Variants in NTMT2 observed in about 807,000 individuals in gnomAD.
The protein encoded by NTMT2 is X-Pro-Lys N-terminal protein methyltransferase 1B.
A neutral mutation model predicts 23.4 loss-of-function variants in NTMT2; 21 were observed. The ratio of observed to expected loss-of-function variants is 0.90; its 90% CI spans 0.64 to 1.29. The LOEUF (loss-of-function observed/expected upper bound fraction) is 1.29, where lower values mean the gene tolerates loss of function less well. Among genes scored for constraint, NTMT2 ranks in the 50% most tolerant of loss-of-function variants. NTMT2 has a pLI of 0.00. For synonymous variants in NTMT2, 131 were observed against 127.7 expected, an observed-to-expected ratio of 1.03 and a Z score of -0.17; for missense variants, 336 against 352.0, an observed-to-expected ratio of 0.95 and a Z score of 0.36.
At chr1:170,162,339 C>T (rs1673290038) in intron 2 of NTMT2, among the ~76,000 whole-genome samples, 1 of 152,174 alleles carries the variant, frequency 6.6e-6, no homozygotes, top group South Asian at 2.1e-4. Flanking sequence ...ACATTAATAT[C>T]TCTAGTATTG....
Position 170,166,708 on chromosome 1 carries a change from C to T in NTMT2, c.537C>T (p.Pro179=). 6.4e-7 allele frequency: 1 copy of T among 1,552,270 alleles called. No homozygotes were observed. The highest frequency in any genetic ancestry group is 8.7e-7 in the Non-Finnish European group (1 of 1,147,098). The stretch of plus-strand genomic sequence containing the variant: ...GCTACAGCCTGCAGGAATTCACACC[C>T]CCCTTCAGGAGATATGATGTCATCT... The part of the protein sequence containing the change: ...YHCYSLQEFT[P]PFRRYDVIWI... Residue 179 remains proline, a synonymous_variant, in exon 3 of 4, where the codon CCC becomes CCT. Coordinates refer to ENST00000439373, the MANE Select transcript of NTMT2 (RefSeq NM_001136107.2).
chr1:170,164,577 A>G (rs1227080325), intron 2 of NTMT2, among the ~76,000 whole-genome samples: 1 of 152,222 alleles, frequency 6.6e-6, no homozygotes, highest in African/African-American at 2.4e-5. Context: ...TGGCAAACAC[A>G]TGGCAGTATA....
chr1:170,146,121 G>A lies in NTMT2; in HGVS notation c.14G>A (p.Gly5Glu), dbSNP rs893003427. The change falls in exon 1 of 4, where the codon GGA becomes GAA. Residue 5 changes from glycine to glutamate, a missense_variant. Physicochemically the swap from Gly to Glu is moderately conservative, Grantham distance 98 (BLOSUM62 -2). Transcript: ENST00000439373. ...TCCCCCTTTGTCATGGCCCACCGGG[G>A]AGCCCATTTTGCCTTTAGATCCCGC... is the stretch of plus-strand genomic sequence containing the variant. MAHR[G>E]AHFAFRSRWQ... 4 of 1,551,038 alleles carry A rather than the reference G, an allele frequency of 2.6e-6. No homozygotes were observed. The highest frequency in any genetic ancestry group is 1.4e-5 in the African/African-American group (1 of 72,868).
In NTMT2 at chr1:170,168,251, AAAAG is replaced by A. The variant is rs1387667853; in HGVS notation, c.*498_*501del. On this transcript the variant is annotated 3_prime_UTR_variant, in exon 4 of 4. Transcript: ENST00000439373. ...TTTGTCTACTCAAACAAAAAAAAAAAAAAGAAAAAGAAACAATGCCCACATATTC... is the reference window on the plus strand; with the variant it reads ...TTTGTCTACTCAAACAAAAAAAAAAAAAAAAGAAACAATGCCCACATATTC... 1.3e-5 allele frequency among the ~76,000 whole-genome samples: 2 copies of A among 150,968 alleles called. No homozygotes were observed. Among genetic ancestry groups the A allele is most frequent in the African/African-American group, 2.4e-5 (1 of 41,036 alleles).
rs1673442562 is a variant in NTMT2, at chr1:170,168,412, T to C, written c.*655T>C. Among the ~76,000 whole-genome samples, 1 of 152,180 alleles carries C rather than the reference T, an allele frequency of 6.6e-6. No homozygotes were observed. Among genetic ancestry groups the C allele is most frequent in the Non-Finnish European group, 1.5e-5 (1 of 68,040 alleles). ...ACTTCCTCTTTGGTACTACTACTTCTCTTGAACAAACATCTCCCTCTAATT... is the reference window on the plus strand; with the variant it reads ...ACTTCCTCTTTGGTACTACTACTTCCCTTGAACAAACATCTCCCTCTAATT... On this transcript the variant is annotated 3_prime_UTR_variant, in exon 4 of 4. Coordinates refer to ENST00000439373, the MANE Select transcript of NTMT2 (RefSeq NM_001136107.2).
chr1:170,149,521 G>A (rs1331459726), intron 1 of NTMT2, among the ~76,000 whole-genome samples: 1 of 151,926 alleles, frequency 6.6e-6, no homozygotes, highest in Admixed American at 6.6e-5. Context: ...TTCCTCTTTT[G>A]TATCTATTCA....
intron 1 of NTMT2, among the ~76,000 whole-genome samples, chr1:170,148,276 G>A (rs993058519): frequency 6.7e-6 from 1 of 149,788 alleles, no homozygotes; most frequent in African/African-American, 2.5e-5. Context: ...AGCCTCCTGA[G>A]TAGCTGGGAC....
At chr1:170,160,732 C>T (rs570302941) in intron 2 of NTMT2, 39 bp downstream of exon 2, 1 of 1,469,926 alleles carries the variant, frequency 6.8e-7, no homozygotes, top group South Asian at 1.4e-5. Flanking sequence ...AAGGCAAAGT[C>T]CTTGCAAACA....
chr1:170,167,564 T>C lies in NTMT2; in HGVS notation c.659T>C (p.Leu220Ser). The C allele has an allele frequency of 1.3e-6, 2 of 1,551,682 alleles. No homozygotes were observed. Among genetic ancestry groups the C allele is most frequent in the South Asian group, 1.2e-5 (1 of 84,060 alleles). Residue 220 changes from leucine to serine, a missense_variant, in exon 4 of 4, where the codon TTG becomes TCG. Physicochemically the swap from Leu to Ser is moderately radical, Grantham distance 145. Transcript: ENST00000439373. The part of the protein sequence containing the change: ...DGLKENGIII[L>S]KDNVAREGCI... ...CTGAAAGAAAATGGCATCATCATAT[T>C]GAAGGACAATGTGGCCCGGGAGGGC...
At chr1:170,166,872 C>T (rs116014552) in intron 3 of NTMT2, 121 bp downstream of exon 3, 3 of 1,027,052 alleles carry the variant, frequency 2.9e-6, no homozygotes, top group African/African-American at 3.2e-5. Flanking sequence ...GTTAGCTAGC[C>T]TTAGGTGTCA....
rs1444435457 is a variant in NTMT2 at position 170,168,764 on chromosome 1, G to A, written c.*1007G>A. ...TCCTGGGGTCTTGATTGATATGAAT[G>A]TATATTGGAAAGAGAAGCAGCAAAA... is the stretch of plus-strand genomic sequence containing the variant. On this transcript the variant is annotated 3_prime_UTR_variant, in exon 4 of 4. Transcript: ENST00000439373. 6.6e-6 allele frequency among the ~76,000 whole-genome samples: 1 copy of A among 152,170 alleles called. No individual in the cohort carries two copies. The highest frequency in any genetic ancestry group is 1.5e-5 in the Non-Finnish European group (1 of 68,038).
At chr1:170,153,916 G>A (rs148519643) in intron 1 of NTMT2, among the ~76,000 whole-genome samples, 60 of 152,260 alleles carry the variant, frequency 3.9e-4, no homozygotes, top group Admixed American at 1.3e-4. Flanking sequence ...AGGTCTGGAA[G>A]GCATTTCAGA....
intron 1 of NTMT2, among the ~76,000 whole-genome samples, chr1:170,152,617 G>T (rs141574673): frequency 2.0e-5 from 3 of 152,056 alleles, no homozygotes; most frequent in Admixed American, 6.6e-5. Flanking sequence ...AACCTAGAGG[G>T]TTCCTCTGGG....
At chr1:170,156,486 C>G (rs975528649) in intron 1 of NTMT2, among the ~76,000 whole-genome samples, 3 of 152,028 alleles carry the variant, frequency 2.0e-5, no homozygotes, top group Non-Finnish European at 4.4e-5. Context: ...CTTGGGAATT[C>G]AACTAATAAT....
At position 170,146,203 on chromosome 1, in the gene NTMT2, A is replaced by G; in HGVS notation, c.96A>G (p.Lys32=). Reference sequence around the variant, plus strand: ...ATAGCATGTCTTTTATCCTTCACAAAGCCATTCGCAATGACTTCTTTCAGA... The same window carrying G: ...ATAGCATGTCTTTTATCCTTCACAAGGCCATTCGCAATGACTTCTTTCAGA... ...CRHSMSFILH[K]AIRNDFFQSY... is the part of the protein sequence containing the mutation. Residue 32 remains lysine, a synonymous_variant, in exon 1 of 4, where the codon AAA becomes AAG. Transcript: ENST00000439373. 1.3e-6 allele frequency: 2 copies of G among 1,551,140 alleles called. No individual in the cohort carries two copies. Among genetic ancestry groups the G allele is most frequent in the Non-Finnish European group, 1.7e-6 (2 of 1,146,924 alleles).
At chr1:170,155,288 A>C (rs1248191993) in intron 1 of NTMT2, among the ~76,000 whole-genome samples, 1 of 152,154 alleles carries the variant, frequency 6.6e-6, no homozygotes, top group African/African-American at 2.4e-5. Flanking sequence ...TATGTAACCT[A>C]TTCAAGATCA....
intron 1 of NTMT2, among the ~76,000 whole-genome samples, chr1:170,148,067 T>G (rs978406370): frequency 1.3e-5 from 2 of 151,986 alleles, no homozygotes; most frequent in Non-Finnish European, 2.9e-5. Flanking sequence ...AGGGAAACTT[T>G]TCTGCATAGG....
At chr1:170,157,477 G>T (rs7354854) in intron 1 of NTMT2, among the ~76,000 whole-genome samples, 12,119 of 152,092 alleles carry the variant, frequency 0.08, 534 homozygotes, top group Middle Eastern at 0.13. Flanking sequence ...GTGATTCAGG[G>T]TACAAACACT....
intron 2 of NTMT2, 110 bp downstream of exon 2, chr1:170,160,803 A>C: frequency 1.1e-6 from 1 of 925,492 alleles, no homozygotes; most frequent in Non-Finnish European, 1.5e-6. Flanking sequence ...GACCCAGCCA[A>C]GAGTTCTGCC....
Sources: allele counts gnomAD v4.1 joint callset (sites outside exome capture counted in the v4.1 genomes callset), GRCh38; gene constraint gnomAD v4.1.1; transcripts MANE v1.5; gene names NCBI Gene and HGNC (gene_info 2026-07-23, HGNC 2026-07-21).